ADD3: variants seen among roughly 807,000 people sequenced by gnomAD.
The protein encoded by ADD3 is adducin 3.
ADD3 carries 25 observed loss-of-function variants against 80.2 expected under a neutral mutation model. The ratio of observed to expected loss-of-function variants is 0.31; its 90% CI spans 0.23 to 0.44. ADD3 has a LOEUF of 0.44. Ranked by LOEUF, ADD3 falls within the 20% of genes least tolerant of loss-of-function variation. The pLI is 1.00. For synonymous variants in ADD3, 284 were observed against 289.6 expected, an observed-to-expected ratio of 0.98 and a Z score of 0.20; for missense variants, 829 against 847.5, an observed-to-expected ratio of 0.98 and a Z score of 0.27.
At chr10:110,063,754 T>TATATA (rs1554927010) in intron 1 of ADD3, among the ~76,000 whole-genome samples, 3 of 58,538 alleles carry the variant, frequency 5.1e-5, no homozygotes, top group Middle Eastern at 6.6e-3. Context: ...TATATATATA[T>TATATA]ATATATATAT....
intron 1 of ADD3, among the ~76,000 whole-genome samples, chr10:110,042,416 T>C (rs551766774): frequency 6.6e-6 from 1 of 152,286 alleles, no homozygotes; most frequent in East Asian, 1.9e-4. Context: ...CCTTTCTTGT[T>C]CGTGTTTGTC....
rs1850224610 is a variant in ADD3, at chr10:110,112,878, G to A, written c.297G>A (p.Met99Ile). Residue 99 changes from methionine to isoleucine, a missense_variant, in exon 3 of 15, where the codon ATG becomes ATA. Coordinates refer to ENST00000356080, the MANE Select transcript of ADD3 (RefSeq NM_016824.5). ...LALQQIADYI[M>I]ANSFSGFSSP... The stretch of plus-strand genomic sequence containing the variant: ...TACAGCAGATTGCAGATTACATCAT[G>A]GCCAATTCTTTCTCGGGTTTTTCTT... 1.9e-6 allele frequency: 3 copies of A among 1,613,818 alleles called. No homozygotes were observed. Among genetic ancestry groups the A allele is most frequent in the Non-Finnish European group, 2.5e-6 (3 of 1,179,974 alleles).
intron 12 of ADD3, among the ~76,000 whole-genome samples, 164 bp from the exon 13 acceptor site, chr10:110,130,199 A>G (rs1942728854): frequency 6.6e-6 from 1 of 152,218 alleles, no homozygotes; most frequent in Admixed American, 6.5e-5. Context: ...CAATCTTACA[A>G]GAGCATTTTA....
intron 12 of ADD3, among the ~76,000 whole-genome samples, chr10:110,127,498 T>C (rs2134202981): frequency 6.6e-6 from 1 of 152,270 alleles, no homozygotes; most frequent in Admixed American, 6.5e-5. Flanking sequence ...GCACCTGTAG[T>C]CCCAGCTACT....
chr10:110,075,312 C>G (rs1442863822), intron 1 of ADD3, among the ~76,000 whole-genome samples: 2 of 151,458 alleles, frequency 1.3e-5, no homozygotes, highest in Non-Finnish European at 2.9e-5. Flanking sequence ...TTTGCTCTCT[C>G]TGTGATTGGG....
intron 10 of ADD3, 90 bp from the exon 11 acceptor site, chr10:110,125,736 G>T (rs1852066004): frequency 1.1e-6 from 1 of 910,864 alleles, no homozygotes; most frequent in Admixed American, 2.6e-5. Context: ...CATTGGCAAT[G>T]CCCCTCTTGA....
chr10:110,063,068 C>T (rs1018297511), intron 1 of ADD3, among the ~76,000 whole-genome samples: 3 of 152,114 alleles, frequency 2.0e-5, no homozygotes, highest in African/African-American at 7.2e-5. Context: ...TTTCATTTTG[C>T]ATAATTTAGT....
intron 1 of ADD3, among the ~76,000 whole-genome samples, chr10:110,090,259 G>A (rs560777395): frequency 1.4e-4 from 19 of 133,358 alleles, no homozygotes; most frequent in African/African-American, 4.3e-4. Flanking sequence ...TTGCTCTGTC[G>A]CCCAGGCTGG....
intron 1 of ADD3, among the ~76,000 whole-genome samples, chr10:110,031,377 A>T (rs896371688): frequency 6.6e-6 from 1 of 152,264 alleles, no homozygotes; most frequent in Admixed American, 6.5e-5. Flanking sequence ...ATGAATCCTC[A>T]CATCAGTTCC....
intron 1 of ADD3, among the ~76,000 whole-genome samples, chr10:110,041,049 T>C (rs1231053508): frequency 1.3e-5 from 2 of 152,164 alleles, no homozygotes; most frequent in Non-Finnish European, 2.9e-5. Context: ...TCATGCTGTG[T>C]CTCTCACTAT....
intron 1 of ADD3, among the ~76,000 whole-genome samples, chr10:110,078,765 T>C (rs12416636): frequency 0.17 from 26,363 of 152,128 alleles, 3,205 homozygotes; most frequent in Admixed American, 0.39. Flanking sequence ...TTTTCTGTTA[T>C]GTTTCATTTC....
upstream of ADD3, among the ~76,000 whole-genome samples, chr10:110,003,302 G>GGGGGGGTGTGTGTGTGTGTGTGT (rs140966434): frequency 1.4e-5 from 2 of 146,942 alleles, no homozygotes; most frequent in African/African-American, 5.1e-5. Flanking sequence ...GAACAGTAAG[G>GGGGGGGTGTGTGTGTGTGTGTGT]GTGTGTGTGT....
intron 1 of ADD3, chr10:110,076,977 C>T (rs1845444857): frequency 6.6e-6 from 1 of 152,214 alleles, no homozygotes; most frequent in Non-Finnish European, 1.5e-5. Flanking sequence ...TTGTTTCCCC[C>T]AGAGTGAGCT....
intron 8 of ADD3, 112 bp downstream of exon 8, chr10:110,119,676 G>C (rs997272234): frequency 7.4e-5 from 64 of 863,928 alleles, no homozygotes; most frequent in Non-Finnish European, 1.1e-4. Flanking sequence ...TCTTTTAAGA[G>C]AAGTTCTGCT....
At chr10:110,061,906 GACT>G (rs1198096881) in intron 1 of ADD3, among the ~76,000 whole-genome samples, 4 of 152,038 alleles carry the variant, frequency 2.6e-5, no homozygotes, top group African/African-American at 9.7e-5. Flanking sequence ...TAGTTCTGCT[GACT>G]ACTAGATTTT....
At chr10:110,119,712 CT>C in intron 8 of ADD3, 148 bp downstream of exon 8, 1 of 624,764 alleles carries the variant, frequency 1.6e-6, no homozygotes, top group Non-Finnish European at 2.8e-6. Context: ...GGGTTTTCAA[CT>C]CAGTTATCTC....
rs1488233752 is a variant in ADD3, at chr10:110,133,482, T to C, written c.1985T>C (p.Ile662Thr). The change falls in exon 15 of 15, where the codon ATT becomes ACT. Residue 662 changes from isoleucine to threonine, a missense_variant. Physicochemically the swap from Ile to Thr is moderately conservative, Grantham distance 89 (BLOSUM62 -1). Coordinates refer to ENST00000356080, the MANE Select transcript of ADD3 (RefSeq NM_016824.5). ...STTIENIEIT[I>T]KSPEKIEEVL... ...ACCATAGAAAACATCGAGATTACTA[T>C]TAAGTCTCCAGAGAAAATCGAAGAA... 1 of 1,613,904 alleles carries C rather than the reference T, an allele frequency of 6.2e-7. No homozygotes were observed. The highest frequency in any genetic ancestry group is 8.5e-7 in the Non-Finnish European group (1 of 1,179,904).
At chr10:110,133,118 T>C (rs1853265759) in intron 14 of ADD3, among the ~76,000 whole-genome samples, 1 of 152,166 alleles carries the variant, frequency 6.6e-6, no homozygotes, top group African/African-American at 2.4e-5. Flanking sequence ...TTTTGCTCTT[T>C]GGTTTAACAA....
upstream of ADD3, among the ~76,000 whole-genome samples, chr10:110,005,052 A>G (rs1851574627): frequency 6.6e-6 from 1 of 152,134 alleles, no homozygotes; most frequent in South Asian, 2.1e-4. Context: ...TTCTATACAT[A>G]ATACTGTAAT....
Sources: gnomAD v4.1 joint callset for allele counts (sites outside exome capture counted in the v4.1 genomes callset) on GRCh38, gnomAD v4.1.1 for gene constraint, MANE v1.5 for transcripts, NCBI Gene and HGNC (gene_info 2026-07-23, HGNC 2026-07-21) for gene names.